Variants in ZFP2 observed in about 807,000 individuals in gnomAD.
ZFP2 encodes the protein zinc finger protein ZFP2.
A neutral mutation model predicts 36.1 loss-of-function variants in ZFP2; 33 were observed. That is an observed-to-expected ratio of 0.92 (90% CI 0.69 to 1.22). The LOEUF is 1.22. ZFP2 is among the 50% of genes most tolerant of loss of function. The probability of loss-of-function intolerance (pLI) is 0.00; values close to 1 mark genes in which losing one functional copy is unlikely to be tolerated. For synonymous variants in ZFP2, 170 were observed against 178.0 expected, an observed-to-expected ratio of 0.96 and a Z score of 0.36; for missense variants, 522 against 551.4, an observed-to-expected ratio of 0.95 and a Z score of 0.53.
chr5:178,905,611 CTA>C (rs1223258245), intron 1 of ZFP2, among the ~76,000 whole-genome samples: 2 of 151,958 alleles, frequency 1.3e-5, no homozygotes, highest in Non-Finnish European at 2.9e-5. Context: ...TCCTTAAACA[CTA>C]TGAGGTATCC....
intron 4 of ZFP2, among the ~76,000 whole-genome samples, chr5:178,930,425 A>G (rs1441052759): frequency 1.4e-5 from 2 of 144,188 alleles, no homozygotes; most frequent in African/African-American, 5.2e-5. Context: ...GGTTCAAGCA[A>G]CTCTCCCATC....
intron 1 of ZFP2, among the ~76,000 whole-genome samples, chr5:178,906,883 A>G (rs1202681547): frequency 1.3e-5 from 2 of 150,224 alleles, no homozygotes; most frequent in East Asian, 1.9e-4. Context: ...TTTTTTTTTA[A>G]TAAGTTTTTA....
intron 1 of ZFP2, among the ~76,000 whole-genome samples, chr5:178,910,767 G>A (rs568061910): frequency 3.9e-5 from 6 of 152,232 alleles, no homozygotes; most frequent in Admixed American, 1.3e-4. Flanking sequence ...GCAGCATGGC[G>A]GGTCCAACCC....
chr5:178,912,756 C>A, intron 2 of ZFP2, 37 bp downstream of exon 2: 1 of 1,054,634 alleles, frequency 9.5e-7, no homozygotes, highest in Non-Finnish European at 1.2e-6. Flanking sequence ...CACCTCTTGA[C>A]AATCATAAGG....
intron 4 of ZFP2, among the ~76,000 whole-genome samples, chr5:178,918,579 C>T (rs1758486053): frequency 1.3e-5 from 2 of 152,126 alleles, no homozygotes; most frequent in African/African-American, 4.8e-5. Context: ...GACTCTAGTT[C>T]ATGTCCTGGT....
At chr5:178,907,125 C>T (rs899939954) in intron 1 of ZFP2, among the ~76,000 whole-genome samples, 8 of 152,048 alleles carry the variant, frequency 5.3e-5, no homozygotes, top group African/African-American at 1.9e-4. Flanking sequence ...GTCTGGGGAA[C>T]TGGACCCTCT....
At chr5:178,910,884 G>A (rs902949928) in intron 1 of ZFP2, among the ~76,000 whole-genome samples, 2 of 152,086 alleles carry the variant, frequency 1.3e-5, no homozygotes, top group East Asian at 1.9e-4. Context: ...GTGAACCACT[G>A]GGTTCATTTT....
At chr5:178,918,936 T>TC (rs1758493462) in intron 4 of ZFP2, among the ~76,000 whole-genome samples, 1 of 152,150 alleles carries the variant, frequency 6.6e-6, no homozygotes, top group Non-Finnish European at 1.5e-5. Context: ...CCCACAATAC[T>TC]CCATCAATTC....
intron 1 of ZFP2, among the ~76,000 whole-genome samples, chr5:178,906,246 T>C (rs1758162864): frequency 6.6e-6 from 1 of 152,212 alleles, no homozygotes; most frequent in African/African-American, 2.4e-5. Context: ...TTTGGACTTT[T>C]ATTTTGCCTT....
In ZFP2 at chr5:178,932,180, G is replaced by A. The variant is rs756894046; in HGVS notation, c.867G>A (p.Gln289=). 3.1e-6 allele frequency: 5 copies of A among 1,614,126 alleles called. No individual in the cohort carries two copies. In the South Asian group the frequency reaches 3.3e-5, roughly 11 times the overall value. The change falls in exon 5 of 5, where the codon CAG becomes CAA. Residue 289 remains glutamine (Q), a synonymous_variant. Coordinates refer to ENST00000361362, the MANE Select transcript of ZFP2 (RefSeq NM_030613.4). ...AGAGCTCAACTCTTACCCTACATCA[G>A]CGAAATCACACTGGAGAAAAACCTT... ...FSKSSTLTLH[Q]RNHTGEKPYK... is the part of the protein sequence containing the mutation.
At chr5:178,926,646 A>AGCT (rs765771023) in intron 4 of ZFP2, among the ~76,000 whole-genome samples, 6 of 152,042 alleles carry the variant, frequency 3.9e-5, no homozygotes, top group Non-Finnish European at 7.4e-5. Context: ...CCTCCTGAGT[A>AGCT]GCTGGGACTA....
Position 178,932,693 on chromosome 5 carries a change from T to A in ZFP2, c.1380T>A (p.His460Gln), listed in dbSNP as rs766979850. The part of the protein sequence containing the change: ...STNLTRHQRT[H>Q]T ...ACCTTACACGACATCAAAGAACTCA[T>A]ACGTGAGGAATGTTTTCACTGGCCC... The change falls in exon 5 of 5, where the codon CAT becomes CAA. Residue 460 changes from histidine to glutamine, a missense_variant. Transcript: ENST00000361362. The A allele has an allele frequency of 1.3e-6, 2 of 1,589,318 alleles. No individual in the cohort carries two copies. Among genetic ancestry groups the A allele is most frequent in the Non-Finnish European group, 1.7e-6 (2 of 1,168,362 alleles).
intron 1 of ZFP2, among the ~76,000 whole-genome samples, chr5:178,908,187 G>A (rs1309584594): frequency 3.9e-5 from 6 of 152,126 alleles, no homozygotes; most frequent in African/African-American, 1.4e-4. Context: ...AGTGGCTCAC[G>A]TCTGTAATCC....
rs748887186 is a variant in ZFP2 at position 178,932,326 on chromosome 5, AT to A, written c.1015del (p.Ser339HisfsTer3). 6.2e-7 allele frequency: 1 copy of A among 1,614,170 alleles called. No individual in the cohort carries two copies. ...CNECGKAFSK[N>X]SSLTQHRRIH... is the part of the protein sequence containing the mutation. ...GAGTGTGGAAAAGCTTTCAGTAAGA[AT>A]TCATCTCTAACTCAACATCGGAGAA... On this transcript the variant is annotated frameshift_variant, in exon 5 of 5. Transcript: ENST00000361362. LOFTEE classifies it high-confidence loss of function.
chr5:178,914,622 T>G (rs1277599145), intron 3 of ZFP2, among the ~76,000 whole-genome samples: 2 of 151,940 alleles, frequency 1.3e-5, no homozygotes, highest in African/African-American at 2.4e-5. Flanking sequence ...TTGAGGAGCT[T>G]ATATTCTAAT....
At position 178,900,300 on chromosome 5, in the gene ZFP2, C is replaced by T. The variant is rs546487667; in HGVS notation, c.-450+4326C>T. On this transcript the variant is annotated intron_variant, in intron 1 of 4. Coordinates refer to ENST00000361362, the MANE Select transcript of ZFP2 (RefSeq NM_030613.4). The stretch of plus-strand genomic sequence containing the variant: ...TACAGAACTTTTGCATCACCCCAGC[C>T]AGCCAGTGTCCTCGTGCCACTTCTA... Among the ~76,000 whole-genome samples the T allele has an allele frequency of 5.3e-5, 8 of 152,256 alleles. No individual in the cohort carries two copies. The South Asian group carries it at 6.2e-4, about 12-fold the overall frequency.
At chr5:178,906,372 A>T (rs1161877992) in intron 1 of ZFP2, among the ~76,000 whole-genome samples, 1 of 152,082 alleles carries the variant, frequency 6.6e-6, no homozygotes, top group Non-Finnish European at 1.5e-5. Flanking sequence ...TTTTGTTTTC[A>T]CATATATTCT....
At chr5:178,917,476 A>G (rs930621638) in intron 4 of ZFP2, among the ~76,000 whole-genome samples, 1 of 152,120 alleles carries the variant, frequency 6.6e-6, no homozygotes, top group African/African-American at 2.4e-5. Context: ...TTAGCCAGGT[A>G]TGGTGGCACG....
intron 1 of ZFP2, chr5:178,910,079 A>T: frequency 1.4e-6 from 2 of 1,475,716 alleles, no homozygotes; most frequent in South Asian, 2.3e-5. Context: ...ACTGGTAGAG[A>T]TCCTTGAATT....
Sources: gnomAD v4.1 joint callset for allele counts (sites outside exome capture counted in the v4.1 genomes callset) on GRCh38, gnomAD v4.1.1 for gene constraint, MANE v1.5 for transcripts, NCBI Gene and HGNC (gene_info 2026-07-23, HGNC 2026-07-21) for gene names.